RIPOR3: variants seen among roughly 807,000 people sequenced by gnomAD.
The protein encoded by RIPOR3 is RIPOR family member 3.
Under a neutral mutation model 114.3 loss-of-function variants are expected in RIPOR3, and 95 were observed. That is an observed-to-expected ratio of 0.83 (90% CI 0.70 to 0.99). The LOEUF (loss-of-function observed/expected upper bound fraction) is 0.99. Among genes scored for constraint, RIPOR3 ranks in the 50% least tolerant of loss-of-function variants. The pLI, the probability that RIPOR3 is intolerant of heterozygous loss-of-function variation, is 0.00. For synonymous variants in RIPOR3, 575 were observed against 543.8 expected (o/e 1.06, Z -0.80); for missense variants, 1,252 against 1,266.9 (o/e 0.99, Z 0.18).
At chr20:50,617,208 G>A (rs2123133127) in intron 3 of RIPOR3, among the ~76,000 whole-genome samples, 1 of 152,246 alleles carries the variant, frequency 6.6e-6, no homozygotes, top group South Asian at 2.1e-4. Context: ...TGCTGGATTT[G>A]CTGAGTCATC....
Position 50,586,718 on chromosome 20 carries a change from A to G in RIPOR3, c.*514T>C, listed in dbSNP as rs1310877380. ...GCCTTCCCACCTTCCCCAGCTCACC[A>G]AGGTGACACCTGGCTGCTGCTGAAA... On this transcript the variant is annotated 3_prime_UTR_variant, in exon 22 of 22. Coordinates refer to ENST00000327979, the MANE Select transcript of RIPOR3 (RefSeq NM_001290268.2). The G allele has an allele frequency of 6.5e-6, 1 of 154,902 alleles. No homozygotes were observed. The highest frequency in any genetic ancestry group is 1.4e-5 in the Non-Finnish European group (1 of 69,650). The allele number at this position is 154,902 out of a possible 1,614,324, so 9.6% of individuals were successfully genotyped here. A position where few individuals can be genotyped will look rare whatever the true frequency, so the allele number is the denominator to read the frequency against.
chr20:50,632,843 C>T (rs1463659444), intron 1 of RIPOR3, among the ~76,000 whole-genome samples: 1 of 152,208 alleles, frequency 6.6e-6, no homozygotes, highest in Non-Finnish European at 1.5e-5. Context: ...CCCGAGGATG[C>T]CCGATGTCAG....
rs753909932 is a variant in RIPOR3, at chr20:50,620,059, T to C, written c.196A>G (p.Lys66Glu). ...KSSKMYGTLR[K>E]GSVCADPKPQ... Reference sequence around the variant, plus strand: ...TTCGGGTCTGCACAGACCGACCCCTTCCGCAGCGTGCCGTACATCTTGGAG... The same window carrying C: ...TTCGGGTCTGCACAGACCGACCCCTCCCGCAGCGTGCCGTACATCTTGGAG... Residue 66 changes from lysine to glutamate, a missense_variant, in exon 3 of 22, where the codon AAG becomes GAG. Coordinates refer to ENST00000327979, the MANE Select transcript of RIPOR3 (RefSeq NM_001290268.2). The C allele has an allele frequency of 8.1e-6, 13 of 1,614,060 alleles. No individual in the cohort carries two copies. In the East Asian group the frequency reaches 2.2e-4, roughly 28 times the overall value.
chr20:50,667,834 G>A (rs1260413308), intron 1 of RIPOR3, among the ~76,000 whole-genome samples: 1 of 152,204 alleles, frequency 6.6e-6, no homozygotes, highest in African/African-American at 2.4e-5. Flanking sequence ...CCTGGGACAC[G>A]TGCTTGCTTT....
intron 4 of RIPOR3, among the ~76,000 whole-genome samples, chr20:50,612,919 C>A (rs1166304996): frequency 6.6e-6 from 1 of 152,048 alleles, no homozygotes; most frequent in Non-Finnish European, 1.5e-5. Context: ...ACAGCAAGAC[C>A]CCATCTCTAC....
intron 1 of RIPOR3, among the ~76,000 whole-genome samples, chr20:50,648,672 C>A (rs2085500691): frequency 6.6e-6 from 1 of 151,964 alleles, no homozygotes; most frequent in Non-Finnish European, 1.5e-5. Flanking sequence ...TGTTTTCCTG[C>A]AACTAGATGG....
chr20:50,668,635 T>C (rs997724513), intron 1 of RIPOR3, among the ~76,000 whole-genome samples: 1 of 152,034 alleles, frequency 6.6e-6, no homozygotes, highest in African/African-American at 2.4e-5. Context: ...GGCGGGCGGA[T>C]CACTTGAGGT....
chr20:50,678,438 C>T (rs1237096267), intron 1 of RIPOR3, among the ~76,000 whole-genome samples: 1 of 152,182 alleles, frequency 6.6e-6, no homozygotes, highest in Non-Finnish European at 1.5e-5. Flanking sequence ...GCATGCCAGG[C>T]CAGAGTTGGC....
At chr20:50,645,735 A>G (rs1200364535) in intron 1 of RIPOR3, 1 of 152,162 alleles carries the variant, frequency 6.6e-6, no homozygotes, top group African/African-American at 2.4e-5. Flanking sequence ...ACCCTCTGGA[A>G]TGCCCACAAC....
At chr20:50,593,862 G>A (rs2083194485) in intron 17 of RIPOR3, among the ~76,000 whole-genome samples, 1 of 152,050 alleles carries the variant, frequency 6.6e-6, no homozygotes, top group South Asian at 2.1e-4. Flanking sequence ...GGGGAAGAAC[G>A]CAGTCCAGCC....
In RIPOR3 at chr20:50,650,010, C is replaced by T. The variant is rs2085545064; in HGVS notation, c.4-19154G>A. 2.6e-5 allele frequency among the ~76,000 whole-genome samples: 4 copies of T among 152,252 alleles called. No individual in the cohort carries two copies. In the South Asian group the frequency reaches 8.3e-4, roughly 32 times the overall value. On this transcript the variant is annotated intron_variant, in intron 1 of 21. Transcript: ENST00000327979. ...CCTGCAGTCTGTGTGTAACAGAGAA[C>T]CATAAGCTGGTGGGTCGGGGAGTGG...
intron 1 of RIPOR3, among the ~76,000 whole-genome samples, chr20:50,688,589 G>A (rs182519204): frequency 6.6e-6 from 1 of 152,266 alleles, no homozygotes; most frequent in Non-Finnish European, 1.5e-5. Flanking sequence ...GCTGGCACAA[G>A]CTGCCTCCAG....
At chr20:50,595,601 C>A in intron 15 of RIPOR3, 97 bp from the exon 16 acceptor site, 1 of 1,514,308 alleles carries the variant, frequency 6.6e-7, no homozygotes, top group South Asian at 1.2e-5. Context: ...CCCATCTCTT[C>A]TGTCCCGGGG....
chr20:50,680,041 A>G (rs4809805), intron 1 of RIPOR3, among the ~76,000 whole-genome samples: 92,953 of 152,018 alleles, frequency 0.61, 29,233 homozygotes, highest in Middle Eastern at 0.71. Flanking sequence ...TCCTCCCAGC[A>G]TCTCTGTTTT....
intron 3 of RIPOR3, among the ~76,000 whole-genome samples, chr20:50,619,640 G>A (rs765774411): frequency 1.5e-4 from 23 of 152,168 alleles, no homozygotes; most frequent in Non-Finnish European, 3.2e-4. Context: ...CGAGGCCCTC[G>A]ACGCACTGTC....
At chr20:50,687,229 C>T (rs1179370740) in intron 1 of RIPOR3, among the ~76,000 whole-genome samples, 1 of 152,222 alleles carries the variant, frequency 6.6e-6, no homozygotes, top group Non-Finnish European at 1.5e-5. Context: ...GGGCCTGTGT[C>T]GCTGGTGGAG....
Position 50,596,243 on chromosome 20 carries a change from G to C in RIPOR3, c.1811C>G (p.Pro604Arg), listed in dbSNP as rs377276576. The change falls in exon 15 of 22, where the codon CCA becomes CGA. Residue 604 changes from proline to arginine, a missense_variant. By Grantham distance (103) the Pro-to-Arg change is moderately radical. Transcript: ENST00000327979. ...GGATGACGCTTTCAGTGATGACGGT[G>C]GGGGCAGGGGCCGGTCCTTTCTGAG... is the stretch of plus-strand genomic sequence containing the variant. Reference protein sequence around the residue: ...QGLRKDRPLPPPSSLKASSRE... With the variant: ...QGLRKDRPLPRPSSLKASSRE... The C allele has an allele frequency of 6.2e-7, 1 of 1,614,210 alleles. No homozygotes were observed. Among genetic ancestry groups the C allele is most frequent in the East Asian group, 2.2e-5 (1 of 44,886 alleles).
intron 11 of RIPOR3, among the ~76,000 whole-genome samples, chr20:50,606,264 T>C (rs1417914858): frequency 4.6e-5 from 7 of 152,142 alleles, no homozygotes; most frequent in Non-Finnish European, 1.0e-4. Flanking sequence ...CTTAGCCAGA[T>C]GGTGAGGGAC....
intron 6 of RIPOR3, among the ~76,000 whole-genome samples, chr20:50,610,645 C>G (rs1108893): frequency 0.053 from 8,112 of 152,128 alleles, 322 homozygotes; most frequent in Middle Eastern, 0.082. Context: ...CAGGGCTGAG[C>G]CCCCTGACTC....
Sources: allele counts gnomAD v4.1 joint callset (sites outside exome capture counted in the v4.1 genomes callset), GRCh38; gene constraint gnomAD v4.1.1; transcripts MANE v1.5; gene names NCBI Gene and HGNC (gene_info 2026-07-23, HGNC 2026-07-21).